JAK2: variants seen among roughly 807,000 people sequenced by gnomAD.
JAK2 encodes the protein Janus kinase 2.
A neutral mutation model predicts 139.3 loss-of-function variants in JAK2; 86 were observed. The ratio of observed to expected loss-of-function variants is 0.62; its 90% confidence interval spans 0.52 to 0.74. JAK2 has a LOEUF of 0.74. Ranked by LOEUF, JAK2 falls within the 30% of genes least tolerant of loss-of-function variation. JAK2 has a pLI of 0.00. For synonymous variants in JAK2, 490 were observed against 437.7 expected (o/e 1.12, Z -1.49); for missense variants, 1,421 against 1,360.3 (o/e 1.04, Z -0.70).
intron 2 of JAK2, among the ~76,000 whole-genome samples, chr9:4,989,829 G>A (rs1361320147): frequency 6.6e-6 from 1 of 152,180 alleles, no homozygotes; most frequent in Non-Finnish European, 1.5e-5. Flanking sequence ...GTGTGAAAGA[G>A]TAGTAAGAAA....
At position 5,050,708 on chromosome 9, in the gene JAK2, G is replaced by A; in HGVS notation, c.491G>A (p.Gly164Glu). ...FAQWRHDFVH[G>E]WIKVPVTHET... The stretch of plus-strand genomic sequence containing the variant: ...TAGTGGCGGCATGATTTTGTGCACG[G>A]ATGGATAAAAGTACCTGTGACTCAT... The change falls in exon 6 of 25, where the codon GGA (glycine) becomes GAA (glutamate). Residue 164 changes from glycine (G) to glutamate (E), a missense_variant. By Grantham distance (98) the Gly-to-Glu change is moderately conservative (BLOSUM62 -2). Coordinates refer to ENST00000381652, the MANE Select transcript of JAK2 (RefSeq NM_004972.4). 1 of 1,613,714 alleles carries A rather than the reference G, an allele frequency of 6.2e-7. No individual in the cohort carries two copies. Among genetic ancestry groups the A allele is most frequent in the Non-Finnish European group, 8.5e-7 (1 of 1,179,774 alleles).
chr9:5,038,320 C>G (rs1476182691), intron 4 of JAK2, among the ~76,000 whole-genome samples: 2 of 152,022 alleles, frequency 1.3e-5, no homozygotes, highest in Non-Finnish European at 2.9e-5. Context: ...AAAGCCCAGG[C>G]CCAAGTGGCT....
chr9:5,023,651 C>T (rs566687704), intron 3 of JAK2, among the ~76,000 whole-genome samples: 1 of 152,264 alleles, frequency 6.6e-6, no homozygotes, highest in African/African-American at 2.4e-5. Flanking sequence ...CTTGCCAATC[C>T]CGGCTGGGCA....
At chr9:5,111,186 A>G in intron 22 of JAK2, 1 of 687,488 alleles carries the variant, frequency 1.5e-6, no homozygotes, top group Non-Finnish European at 2.5e-6. Flanking sequence ...CTCCATTCAC[A>G]TTCCTGGGAC....
chr9:5,001,714 C>T (rs1820938345), intron 2 of JAK2, among the ~76,000 whole-genome samples: 1 of 151,586 alleles, frequency 6.6e-6, no homozygotes, highest in Admixed American at 6.6e-5. Flanking sequence ...TTATTTCTGC[C>T]CCTCTGTTTT....
Position 5,128,920 on chromosome 9 carries a change from T to C in JAK2, c.*2129T>C, listed in dbSNP as rs1397630345. 6.6e-6 allele frequency among the ~76,000 whole-genome samples: 1 copy of C among 152,062 alleles called. No homozygotes were observed. The highest frequency in any genetic ancestry group is 1.5e-5 in the Non-Finnish European group (1 of 67,896). On this transcript the variant is annotated 3_prime_UTR_variant, in exon 25 of 25. Transcript: ENST00000381652. ...TCTTAGAATTATGTAATTCTGTAAC[T>C]ATTCCAGTATATTAAGTTATACAAT...
chr9:5,013,067 A>G (rs1020452624), intron 2 of JAK2, among the ~76,000 whole-genome samples: 2 of 152,246 alleles, frequency 1.3e-5, no homozygotes, highest in African/African-American at 4.8e-5. Flanking sequence ...TAGGGGTGAA[A>G]AAAGAGAAGA....
intron 5 of JAK2, among the ~76,000 whole-genome samples, chr9:5,044,775 C>T (rs1816880587): frequency 6.6e-6 from 1 of 152,074 alleles, no homozygotes; most frequent in Admixed American, 6.5e-5. Context: ...GACTTTAGAT[C>T]ATTTTAAGGA....
intron 4 of JAK2, among the ~76,000 whole-genome samples, chr9:5,036,150 C>G (rs945624694): frequency 6.6e-6 from 1 of 151,380 alleles, no homozygotes; most frequent in African/African-American, 2.4e-5. Context: ...AAGAGAATAC[C>G]TAGGAATCCA....
At chr9:5,120,910 TTC>T (rs1378835948) in intron 22 of JAK2, among the ~76,000 whole-genome samples, 1 of 152,326 alleles carries the variant, frequency 6.6e-6, no homozygotes, top group East Asian at 1.9e-4. Flanking sequence ...GAGGATGGAA[TTC>T]TGTTTGCCTA....
At chr9:5,086,487 C>G (rs1563989919) in intron 19 of JAK2, among the ~76,000 whole-genome samples, 2 of 152,104 alleles carry the variant, frequency 1.3e-5, no homozygotes, top group Non-Finnish European at 2.9e-5. Flanking sequence ...TCCTCTCTTC[C>G]CATCATTAGC....
chr9:5,038,701 T>C (rs1460217040), intron 4 of JAK2, among the ~76,000 whole-genome samples: 1 of 152,098 alleles, frequency 6.6e-6, no homozygotes, highest in Non-Finnish European at 1.5e-5. Flanking sequence ...GAATATTTCT[T>C]TTGCACATCA....
At chr9:5,012,037 C>T (rs11998810) in intron 2 of JAK2, among the ~76,000 whole-genome samples, 13,474 of 152,198 alleles carry the variant, frequency 0.089, 1,749 homozygotes, top group African/African-American at 0.29. Flanking sequence ...CCCTGGGCTT[C>T]GATTTTCATC....
intron 22 of JAK2, among the ~76,000 whole-genome samples, chr9:5,103,833 A>C (rs1287095051): frequency 6.6e-6 from 1 of 152,222 alleles, no homozygotes; most frequent in Non-Finnish European, 1.5e-5. Flanking sequence ...TAAATAATGA[A>C]ATGAAGACAG....
chr9:5,052,845 T>C (rs996445817), intron 6 of JAK2, among the ~76,000 whole-genome samples: 1 of 152,130 alleles, frequency 6.6e-6, no homozygotes, highest in African/African-American at 2.4e-5. Context: ...TTTTTATTGC[T>C]GAATCATTTC....
At position 5,063,970 on chromosome 9, in the gene JAK2, A is replaced by G. The variant is rs563393319; in HGVS notation, c.1057-913A>G. Among the ~76,000 whole-genome samples the G allele has an allele frequency of 5.3e-5, 8 of 152,336 alleles. No homozygotes were observed. The East Asian group carries it at 7.7e-4, about 15-fold the overall frequency. On this transcript the variant is annotated intron_variant, in intron 8 of 24. Coordinates refer to ENST00000381652, the MANE Select transcript of JAK2 (RefSeq NM_004972.4). The stretch of plus-strand genomic sequence containing the variant: ...CAGGAATTTGAGACCAGCCTGGCCA[A>G]CATGTTGAAACTCTGTCTCTACTAA...
At chr9:5,001,303 C>T (rs1820911286) in intron 2 of JAK2, among the ~76,000 whole-genome samples, 1 of 152,144 alleles carries the variant, frequency 6.6e-6, no homozygotes, top group African/African-American at 2.4e-5. Context: ...AATATGTAAT[C>T]ATTAAGTAAT....
intron 22 of JAK2, among the ~76,000 whole-genome samples, chr9:5,093,424 A>ACATGAGGGTTCAGCTGT (rs1003294396): frequency 6.6e-5 from 10 of 152,172 alleles, no homozygotes; most frequent in Middle Eastern, 3.2e-3. Context: ...AAGAATGGCC[A>ACATGAGGGTTCAGCTGT]CATGAGGGTT....
chr9:5,117,395 G>A (rs1210454748), intron 22 of JAK2, among the ~76,000 whole-genome samples: 1 of 152,164 alleles, frequency 6.6e-6, no homozygotes, highest in African/African-American at 2.4e-5. Context: ...CTCTACTTTT[G>A]TTATAGAACA....
Sources: allele counts gnomAD v4.1 joint callset (sites outside exome capture counted in the v4.1 genomes callset), GRCh38; gene constraint gnomAD v4.1.1; transcripts MANE v1.5; gene names NCBI Gene and HGNC (gene_info 2026-07-23, HGNC 2026-07-21).